Variants in ZNF398 observed in about 807,000 individuals in gnomAD.
The protein encoded by ZNF398 is zinc finger protein 398.
ZNF398 carries 18 observed loss-of-function variants against 41.9 expected under a neutral mutation model. The ratio of observed to expected loss-of-function variants is 0.43; its 90% CI spans 0.30 to 0.64. ZNF398 has a LOEUF of 0.64. ZNF398 is among the 30% of genes least tolerant of loss of function. The pLI is 0.14. For missense variants in ZNF398, 669 were observed against 822.8 expected (o/e 0.81, Z 2.29); for synonymous variants, 260 against 308.8 (o/e 0.84, Z 1.66).
chr7:149,137,347 G>T (rs1213290505), intron 2 of ZNF398, among the ~76,000 whole-genome samples: 2 of 152,138 alleles, frequency 1.3e-5, no homozygotes, highest in East Asian at 3.9e-4. Flanking sequence ...AATCTGAGGG[G>T]AAGCCATTTA....
At chr7:149,166,055 C>T in intron 2 of ZNF398, 103 bp from the exon 3 acceptor site, 3 of 1,257,602 alleles carry the variant, frequency 2.4e-6, no homozygotes, top group Non-Finnish European at 3.3e-6. Context: ...TTATTGACCA[C>T]CCTTTGAAAA....
At chr7:149,171,219 T>C (rs924415263) in intron 4 of ZNF398, among the ~76,000 whole-genome samples, 19 of 151,438 alleles carry the variant, frequency 1.3e-4, no homozygotes, top group Admixed American at 1.2e-3. Context: ...AATATACTTA[T>C]AATACTACTT....
chr7:149,149,015 TA>T (rs1017431598), intron 1 of ZNF398, among the ~76,000 whole-genome samples: 18 of 151,674 alleles, frequency 1.2e-4, no homozygotes, highest in African/African-American at 3.9e-4. Flanking sequence ...GTTTAAAAAG[TA>T]AAAAGCCAGG....
chr7:149,148,811 C>G (rs59002962), intron 1 of ZNF398, among the ~76,000 whole-genome samples: 1 of 142,584 alleles, frequency 7.0e-6, no homozygotes, highest in Non-Finnish European at 1.5e-5. Context: ...AACACAAATT[C>G]GTAAACTTTC....
At position 149,166,197 on chromosome 7, in the gene ZNF398, A is replaced by G. The variant is rs1585532268; in HGVS notation, c.460A>G (p.Thr154Ala). Residue 154 changes from threonine (T) to alanine (A), a missense_variant, in exon 3 of 6, where the codon ACT becomes GCT. Transcript: ENST00000475153. ...TGATGATGTCTCCATCTACTTTTCCACTCCAGAGTGGGAAAAATTAGAAGA... is the reference window on the plus strand; with the variant it reads ...TGATGATGTCTCCATCTACTTTTCCGCTCCAGAGTGGGAAAAATTAGAAGA... ...AFDDVSIYFS[T>A]PEWEKLEEWQ... 6.2e-7 allele frequency: 1 copy of G among 1,614,074 alleles called. No homozygotes were observed. The highest frequency in any genetic ancestry group is 1.3e-5 in the African/African-American group (1 of 75,024).
intron 4 of ZNF398, among the ~76,000 whole-genome samples, chr7:149,168,232 C>T (rs561359120): frequency 4.3e-4 from 65 of 152,060 alleles, no homozygotes; most frequent in Non-Finnish European, 8.1e-4. Context: ...TGCCCACCAC[C>T]ACGCCTGGCT....
At chr7:149,176,819 G>T (rs1156950629) in intron 5 of ZNF398, among the ~76,000 whole-genome samples, 1 of 152,164 alleles carries the variant, frequency 6.6e-6, no homozygotes, top group East Asian at 1.9e-4. Context: ...AGAAAAACAA[G>T]TGCATACAGA....
chr7:149,156,504 CAA>C (rs1184656145), intron 2 of ZNF398, among the ~76,000 whole-genome samples: 67 of 36,474 alleles, frequency 1.8e-3, no homozygotes, highest in African/African-American at 5.2e-3. Context: ...GACTCCATCT[CAA>C]AAAAAAAAAA....
intron 4 of ZNF398, among the ~76,000 whole-genome samples, chr7:149,168,161 C>A (rs1795262242): frequency 6.6e-6 from 1 of 152,074 alleles, no homozygotes; most frequent in Non-Finnish European, 1.5e-5. Flanking sequence ...TCACTGCAAC[C>A]TCCACCTCCT....
chr7:149,152,100 G>A (rs1195430251), intron 1 of ZNF398, among the ~76,000 whole-genome samples: 1 of 151,972 alleles, frequency 6.6e-6, no homozygotes, highest in Non-Finnish European at 1.5e-5. Context: ...TGTAGTCCCA[G>A]CTACTCGGGA....
At chr7:149,157,539 AAAAAG>A (rs1795008295) in intron 2 of ZNF398, among the ~76,000 whole-genome samples, 1 of 142,478 alleles carries the variant, frequency 7.0e-6, no homozygotes, top group Admixed American at 7.1e-5. Context: ...TCAAAAAAAA[AAAAAG>A]AAAATCCAGG....
At position 149,178,731 on chromosome 7, in the gene ZNF398, G is replaced by C. The variant is rs1211627584; in HGVS notation, c.859G>C (p.Ala287Pro). The C allele has an allele frequency of 1.2e-6, 2 of 1,614,028 alleles. No homozygotes were observed. Among genetic ancestry groups the C allele is most frequent in the African/African-American group, 1.3e-5 (1 of 74,902 alleles). ...TCCAGTCCCTTTCTCTTCTCCACCA[G>C]CAGCAGCAAAGGATGCTTTTTCAGA... is the stretch of plus-strand genomic sequence containing the variant. ...EVPVPFSSPPAAAKDAFSDVA... is the reference protein window; with the variant it reads ...EVPVPFSSPPPAAKDAFSDVA... The change falls in exon 6 of 6, where the codon GCA (alanine) becomes CCA (proline). Residue 287 changes from alanine to proline, a missense_variant. Ala to Pro is a conservative substitution (Grantham distance 27). This residue lies in a region of ZNF398 where 290 missense variants were observed against 292.9 expected (regional missense o/e 0.99). Transcript: ENST00000475153.
intron 4 of ZNF398, among the ~76,000 whole-genome samples, chr7:149,173,855 G>A (rs1462898010): frequency 2.9e-5 from 4 of 139,082 alleles, no homozygotes; most frequent in South Asian, 2.2e-4. Context: ...GTGCAATGGC[G>A]CTATCTCGGC....
At chr7:149,148,519 C>CA in intron 1 of ZNF398, 1 of 982,462 alleles carries the variant, frequency 1.0e-6, no homozygotes, top group Non-Finnish European at 1.2e-6. Context: ...TGTACTGGGT[C>CA]AGGAGCCACC....
At chr7:149,127,696 G>T (rs1295889766) in intron 1 of ZNF398, among the ~76,000 whole-genome samples, 1 of 151,948 alleles carries the variant, frequency 6.6e-6, no homozygotes, top group Non-Finnish European at 1.5e-5. Context: ...CAGCCTGGGC[G>T]ACAGAGGGAG....
intron 4 of ZNF398, among the ~76,000 whole-genome samples, chr7:149,174,390 A>G (rs188108395): frequency 2.6e-5 from 4 of 152,068 alleles, no homozygotes; most frequent in Admixed American, 1.3e-4. Context: ...GGGTTTTACC[A>G]TGTTGGTCAG....
At chr7:149,171,346 A>G (rs1013044469) in intron 4 of ZNF398, among the ~76,000 whole-genome samples, 1 of 151,728 alleles carries the variant, frequency 6.6e-6, no homozygotes, top group Admixed American at 6.6e-5. Flanking sequence ...CCCTTTTTCT[A>G]TAACTTTTTC....
chr7:149,142,867 A>G (rs994774291), upstream of ZNF398, among the ~76,000 whole-genome samples: 12 of 152,208 alleles, frequency 7.9e-5, no homozygotes, highest in Non-Finnish European at 1.8e-4. Flanking sequence ...GAAACGCACG[A>G]ACGTCGAATT....
chr7:149,148,489 G>A, intron 1 of ZNF398: 1 of 985,492 alleles, frequency 1.0e-6, no homozygotes, highest in African/African-American at 1.7e-5. Flanking sequence ...GAGGTCTTTG[G>A]TCACCTCTAG....
Sources: gnomAD v4.1 joint callset for allele counts (sites outside exome capture counted in the v4.1 genomes callset) on GRCh38, gnomAD v4.1.1 for gene constraint, gnomAD v4.1.1 regional missense constraint, MANE v1.5 for transcripts, NCBI Gene and HGNC (gene_info 2026-07-23, HGNC 2026-07-21) for gene names.